CMPK1: variants seen among roughly 807,000 people sequenced by gnomAD.
CMPK1 encodes cytidine/uridine monophosphate kinase 1.
A neutral mutation model predicts 25.7 loss-of-function variants in CMPK1; 10 were observed. The observed-to-expected ratio is 0.39, with a 90% CI of 0.24 to 0.66. CMPK1 has a LOEUF of 0.66. Among genes scored for constraint, CMPK1 ranks in the 30% least tolerant of loss-of-function variants. CMPK1 has a pLI of 0.48. For synonymous variants in CMPK1, 106 were observed against 101.5 expected (o/e 1.04, Z -0.27); for missense variants, 199 against 280.5 (o/e 0.71, Z 2.08).
intron 1 of CMPK1, chr1:47,358,906 G>A (rs1247756343): frequency 1.0e-6 from 1 of 985,242 alleles, no homozygotes; most frequent in African/African-American, 1.7e-5. Flanking sequence ...ATTTCATGAA[G>A]AGGATCTTTA....
chr1:47,354,323 T>TG (rs1327331576), intron 1 of CMPK1, among the ~76,000 whole-genome samples: 1 of 152,148 alleles, frequency 6.6e-6, no homozygotes, highest in African/African-American at 2.4e-5. Context: ...AGCAAGACAC[T>TG]GCCTCAATAG....
chr1:47,341,978 C>T (rs1216809626), intron 1 of CMPK1, among the ~76,000 whole-genome samples: 1 of 152,006 alleles, frequency 6.6e-6, no homozygotes, highest in Admixed American at 6.6e-5. Context: ...AGTATAGTGG[C>T]TCTATCACTG....
intron 1 of CMPK1, among the ~76,000 whole-genome samples, chr1:47,335,130 C>T (rs1416090886): frequency 6.6e-6 from 1 of 152,174 alleles, no homozygotes; most frequent in Middle Eastern, 3.2e-3. Context: ...TGAAATCACT[C>T]TGAAACCCTG....
chr1:47,336,596 C>T (rs1646400935), intron 1 of CMPK1, among the ~76,000 whole-genome samples: 1 of 152,102 alleles, frequency 6.6e-6, no homozygotes, highest in South Asian at 2.1e-4. Flanking sequence ...CATCTTGGCC[C>T]ACTCCAACCT....
At chr1:47,349,301 TAG>T (rs1188885275) in intron 1 of CMPK1, among the ~76,000 whole-genome samples, 13 of 152,210 alleles carry the variant, frequency 8.5e-5, no homozygotes, top group South Asian at 2.1e-4. Flanking sequence ...TGTGGAATAA[TAG>T]AGTTATTGAG....
chr1:47,360,183 G>T lies in CMPK1; in HGVS notation c.172-8286G>T, dbSNP rs181845887. 8.8e-3 allele frequency among the ~76,000 whole-genome samples: 1,335 copies of T among 152,220 alleles called. 14 individuals carry two copies. The highest frequency in any genetic ancestry group is 0.015 in the Non-Finnish European group (998 of 68,004). ...TCAAATTATTGCCTCTGAGCTCCTGGACTCCCTGAAGGTGTCTAAGCCTGG... is the reference window on the plus strand; with the variant it reads ...TCAAATTATTGCCTCTGAGCTCCTGTACTCCCTGAAGGTGTCTAAGCCTGG... On this transcript the variant is annotated intron_variant, in intron 1 of 5. Transcript: ENST00000371873.
At chr1:47,347,187 C>T (rs1262982970) in intron 1 of CMPK1, among the ~76,000 whole-genome samples, 9 of 141,044 alleles carry the variant, frequency 6.4e-5, no homozygotes, top group African/African-American at 2.3e-4. Context: ...TTCTTTCCTT[C>T]CTTCCTTCTT....
At chr1:47,368,928 T>C (rs998401286) in intron 2 of CMPK1, among the ~76,000 whole-genome samples, 4 of 152,154 alleles carry the variant, frequency 2.6e-5, no homozygotes, top group African/African-American at 9.7e-5. Context: ...AGACCTCCTC[T>C]CAAAAATAAA....
At chr1:47,372,706 G>A (rs1026387690) in intron 2 of CMPK1, among the ~76,000 whole-genome samples, 9 of 151,984 alleles carry the variant, frequency 5.9e-5, no homozygotes, top group African/African-American at 1.7e-4. Flanking sequence ...AAAATGAGGT[G>A]GTTTTGAGAG....
At chr1:47,365,015 C>T (rs1051676027) in intron 1 of CMPK1, among the ~76,000 whole-genome samples, 8 of 152,144 alleles carry the variant, frequency 5.3e-5, no homozygotes, top group African/African-American at 1.7e-4. Flanking sequence ...CTCACCTTGG[C>T]TTCCCAAAGT....
chr1:47,348,672 G>A (rs1429085929), intron 1 of CMPK1, among the ~76,000 whole-genome samples: 1 of 152,148 alleles, frequency 6.6e-6, no homozygotes, highest in Non-Finnish European at 1.5e-5. Flanking sequence ...TGTATCCTAT[G>A]TCAACAAGCA....
At chr1:47,348,654 C>T (rs1446331586) in intron 1 of CMPK1, among the ~76,000 whole-genome samples, 2 of 152,140 alleles carry the variant, frequency 1.3e-5, no homozygotes, top group African/African-American at 2.4e-5. Flanking sequence ...TTCCATTCCC[C>T]GTTGGAATGT....
In CMPK1 at chr1:47,377,659, T is replaced by C. The variant is rs1010689148; in HGVS notation, c.*914T>C. 6.6e-6 allele frequency: 1 copy of C among 152,666 alleles called. No homozygotes were observed. The highest frequency in any genetic ancestry group is 1.5e-5 in the Non-Finnish European group (1 of 68,040). 9.5% of individuals were successfully genotyped at this position (152,666 alleles called of 1,614,324 possible). On this transcript the variant is annotated 3_prime_UTR_variant, in exon 6 of 6. Transcript: ENST00000371873. Reference sequence around the variant, plus strand: ...TTAGGATTAATTAGAAGAAGCAATCTAGTTAAATTTCCCATTTGTATTTTA... The same window carrying C: ...TTAGGATTAATTAGAAGAAGCAATCCAGTTAAATTTCCCATTTGTATTTTA...
intron 1 of CMPK1, among the ~76,000 whole-genome samples, chr1:47,349,739 T>G (rs1174507162): frequency 6.6e-6 from 1 of 152,182 alleles, no homozygotes; most frequent in Non-Finnish European, 1.5e-5. Context: ...GCCAACTTTC[T>G]AAATGTTCTT....
intron 1 of CMPK1, among the ~76,000 whole-genome samples, chr1:47,359,924 C>G (rs999786009): frequency 7.9e-5 from 12 of 152,166 alleles, no homozygotes; most frequent in Admixed American, 5.2e-4. Context: ...CAGGTATTCT[C>G]TTAAGAACTG....
In CMPK1 at chr1:47,377,888, C is replaced by T. The variant is rs1197067550; in HGVS notation, c.*1143C>T. 2 of 152,518 alleles carry T rather than the reference C, an allele frequency of 1.3e-5. No homozygotes were observed. Among genetic ancestry groups the T allele is most frequent in the Admixed American group, 6.6e-5 (1 of 15,264 alleles). The allele number at this position is 152,518 out of a possible 1,614,324, so 9.4% of individuals were successfully genotyped here. Reference sequence around the variant, plus strand: ...AGGCTATAGAGTCCAAAGGAATATTCTTTTACACCAATTCTTCCTTTAAAA... The same window carrying T: ...AGGCTATAGAGTCCAAAGGAATATTTTTTTACACCAATTCTTCCTTTAAAA... On this transcript the variant is annotated 3_prime_UTR_variant, in exon 6 of 6. Coordinates refer to ENST00000371873, the MANE Select transcript of CMPK1 (RefSeq NM_016308.3).
chr1:47,376,077 T>C (rs1646706316), intron 5 of CMPK1, among the ~76,000 whole-genome samples: 1 of 151,862 alleles, frequency 6.6e-6, no homozygotes, highest in Admixed American at 6.6e-5. Flanking sequence ...TTATTTACAG[T>C]TTATATTTTA....
intron 1 of CMPK1, among the ~76,000 whole-genome samples, chr1:47,350,607 A>T (rs1447317364): frequency 2.6e-5 from 4 of 152,042 alleles, no homozygotes; most frequent in Non-Finnish European, 5.9e-5. Context: ...AAAATTGGAA[A>T]ATACAGGCCA....
At chr1:47,359,361 T>C (rs959872862) in intron 1 of CMPK1, among the ~76,000 whole-genome samples, 2 of 137,238 alleles carry the variant, frequency 1.5e-5, no homozygotes, top group South Asian at 2.1e-4. Flanking sequence ...GTGGCCTGTT[T>C]AGTGGTTGTT....
Sources: gnomAD v4.1 joint callset for allele counts (sites outside exome capture counted in the v4.1 genomes callset) on GRCh38, gnomAD v4.1.1 for gene constraint, MANE v1.5 for transcripts, NCBI Gene and HGNC (gene_info 2026-07-23, HGNC 2026-07-21) for gene names.